OCA2: variants seen among roughly 807,000 people sequenced by gnomAD.
OCA2 encodes OCA2 melanosomal transmembrane protein.
Under a neutral mutation model 100.2 loss-of-function variants are expected in OCA2, and 77 were observed. The observed-to-expected ratio is 0.77, with a 90% CI of 0.64 to 0.93. OCA2 has a LOEUF of 0.93. OCA2 is among the 40% of genes least tolerant of loss of function. The pLI, the probability that OCA2 is intolerant of heterozygous loss-of-function variation, is 0.00. For synonymous variants in OCA2, 432 were observed against 439.2 expected (o/e 0.98, Z 0.21); for missense variants, 1,062 against 1,089.1 (o/e 0.98, Z 0.35).
downstream of OCA2, among the ~76,000 whole-genome samples, chr15:27,752,658 C>T (rs8029995): frequency 0.091 from 13,872 of 151,942 alleles, 858 homozygotes; most frequent in Middle Eastern, 0.23. Context: ...GGAAGAAAGG[C>T]ATAAACTCAG....
Position 27,897,867 on chromosome 15 carries a change from C to T in OCA2, c.2080-25945G>A, listed in dbSNP as rs571062645. ...CTGTACCCTGCAGAGCCACAGGGAC[C>T]GAGCTGCCCAAGACCATGGGAACCC... On this transcript the variant is annotated intron_variant, in intron 19 of 23. Transcript: ENST00000354638. Among the ~76,000 whole-genome samples, 30 of 152,292 alleles carry T rather than the reference C, an allele frequency of 2.0e-4. No individual in the cohort carries two copies. In the East Asian group the frequency reaches 3.5e-3, roughly 18 times the overall value.
chr15:27,774,676 G>A (rs2032086635), intron 23 of OCA2, among the ~76,000 whole-genome samples: 1 of 152,182 alleles, frequency 6.6e-6, no homozygotes, highest in Admixed American at 6.5e-5. Flanking sequence ...TGGATTTGGA[G>A]ACAAGCTCTT....
intron 18 of OCA2, among the ~76,000 whole-genome samples, chr15:27,943,806 A>G (rs1192932194): frequency 6.6e-6 from 1 of 151,994 alleles, no homozygotes; most frequent in Non-Finnish European, 1.5e-5. Context: ...GAATCCACCT[A>G]TGACCTGGAA....
Position 27,755,345 on chromosome 15 carries a change from G to A in OCA2, c.*43C>T. ...AGTTTTATGACTAATGGGTTGTGAT[G>A]GATGAAGTTTCCTTTAGTCTTCGAG... On this transcript the variant is annotated 3_prime_UTR_variant, in exon 24 of 24. Coordinates refer to ENST00000354638, the MANE Select transcript of OCA2 (RefSeq NM_000275.3). 1 of 1,441,080 alleles carries A rather than the reference G, an allele frequency of 6.9e-7. No individual in the cohort carries two copies. Among genetic ancestry groups the A allele is most frequent in the Non-Finnish European group, 9.8e-7 (1 of 1,022,552 alleles). The allele number at this position is 1,441,080 out of a possible 1,614,324, so 89.3% of individuals were successfully genotyped here. A position where few individuals can be genotyped will look rare whatever the true frequency, so the allele number is the denominator to read the frequency against.
intron 23 of OCA2, among the ~76,000 whole-genome samples, chr15:27,822,273 T>A (rs2034536796): frequency 6.6e-6 from 1 of 152,236 alleles, no homozygotes. Context: ...TTGTACTTTA[T>A]GTAATTAAAA....
chr15:27,957,600 T>C lies in OCA2; in HGVS notation c.1772A>G (p.His591Arg), dbSNP rs2040267080. 2.5e-6 allele frequency: 4 copies of C among 1,612,478 alleles called. No individual in the cohort carries two copies. Among genetic ancestry groups the C allele is most frequent in the Non-Finnish European group, 3.4e-6 (4 of 1,179,880 alleles). Residue 591 changes from histidine to arginine, a missense_variant, in exon 16 of 24, where the codon CAC becomes CGC. Coordinates refer to ENST00000354638, the MANE Select transcript of OCA2 (RefSeq NM_000275.3). The surrounding 1 kb of genome is among the most constrained non-coding windows in gnomAD (Gnocchi z 4.3). ...CCCCGCCCGGTACCTGTGGAAGGTG[T>C]GCAGCCTCCGGGCGAGCAGGTGCTC... ...ALEHLLARRL[H>R]TFHRQISQED...
chr15:28,095,308 G>A (rs1334885390), intron 1 of OCA2, among the ~76,000 whole-genome samples: 1 of 152,148 alleles, frequency 6.6e-6, no homozygotes, highest in Non-Finnish European at 1.5e-5. Context: ...GCGCCCGGGG[G>A]ACCGCGGCCC....
chr15:28,076,494 T>A (rs1043481753), intron 2 of OCA2, among the ~76,000 whole-genome samples: 6 of 152,044 alleles, frequency 3.9e-5, no homozygotes, highest in African/African-American at 1.4e-4. Context: ...TTAGAAAAAA[T>A]TAATTACATT....
At chr15:28,020,164 G>A (rs1227705175) in intron 6 of OCA2, among the ~76,000 whole-genome samples, 7 of 150,456 alleles carry the variant, frequency 4.7e-5, no homozygotes, top group African/African-American at 1.5e-4. Context: ...AGGCTGCCCT[G>A]CCCCCTGCTG....
chr15:28,013,502 G>A (rs1206358887), intron 9 of OCA2, among the ~76,000 whole-genome samples: 3 of 152,180 alleles, frequency 2.0e-5, no homozygotes, highest in South Asian at 2.1e-4. Context: ...TAAATGGTGC[G>A]CACCTGCTTG....
At chr15:27,768,027 C>G (rs1332878149) in intron 23 of OCA2, among the ~76,000 whole-genome samples, 1 of 152,164 alleles carries the variant, frequency 6.6e-6, no homozygotes, top group African/African-American at 2.4e-5. Context: ...CAGAGGGCTC[C>G]AGGAAGGCCC....
At chr15:28,089,496 GTTCTTCTACCA>G (rs2044836205) in intron 1 of OCA2, among the ~76,000 whole-genome samples, 1 of 152,156 alleles carries the variant, frequency 6.6e-6, no homozygotes. Context: ...CACAATTTAT[GTTCTTCTACCA>G]TGGCTTCAGC....
intron 19 of OCA2, among the ~76,000 whole-genome samples, chr15:27,903,926 A>G (rs939335309): frequency 3.3e-5 from 5 of 152,208 alleles, no homozygotes; most frequent in Non-Finnish European, 7.3e-5. Context: ...AATAACCTGT[A>G]GCATAGAAAC....
chr15:27,858,338 C>T (rs908167300), intron 21 of OCA2, among the ~76,000 whole-genome samples: 1 of 149,342 alleles, frequency 6.7e-6, no homozygotes. Flanking sequence ...CACACCACTG[C>T]ACTCCAGCCT....
intron 19 of OCA2, among the ~76,000 whole-genome samples, chr15:27,874,269 C>T (rs2036699300): frequency 2.6e-5 from 4 of 152,176 alleles, no homozygotes; most frequent in East Asian, 1.9e-4. Flanking sequence ...AGCGGCAAGA[C>T]TTGAGTGGCA....
intron 21 of OCA2, among the ~76,000 whole-genome samples, chr15:27,859,119 T>C (rs768352825): frequency 5.3e-5 from 8 of 151,554 alleles, no homozygotes; most frequent in Admixed American, 3.3e-4. Context: ...TAAGAAACTA[T>C]AAAAAGGCAA....
intron 18 of OCA2, among the ~76,000 whole-genome samples, chr15:27,933,677 A>C (rs1354233870): frequency 2.0e-5 from 3 of 152,202 alleles, no homozygotes; most frequent in Non-Finnish European, 4.4e-5. Context: ...CACAACGTGC[A>C]TGCTGGAGAG....
At chr15:27,788,971 T>G (rs983435140) in intron 23 of OCA2, among the ~76,000 whole-genome samples, 3 of 152,168 alleles carry the variant, frequency 2.0e-5, no homozygotes, top group Admixed American at 6.5e-5. Context: ...CATTAAAACC[T>G]AGAGATTCTG....
chr15:27,919,333 C>T (rs2038779158), intron 19 of OCA2, among the ~76,000 whole-genome samples: 1 of 152,140 alleles, frequency 6.6e-6, no homozygotes, highest in Admixed American at 6.6e-5. Flanking sequence ...TTCGTAGCAG[C>T]TTTATTTAAA....
Sources: allele counts gnomAD v4.1 joint callset (sites outside exome capture counted in the v4.1 genomes callset), GRCh38; gene constraint gnomAD v4.1.1; non-coding constraint Gnocchi (gnomAD v3.1); transcripts MANE v1.5; gene names NCBI Gene and HGNC (gene_info 2026-07-23, HGNC 2026-07-21).